The following ZFR2 variants were observed in gnomAD, a reference collection of about 807,000 sequenced individuals.
The protein encoded by ZFR2 is zinc finger RNA binding protein 2, also known as zinc finger RNA-binding protein 2.
Under a neutral mutation model 105.7 loss-of-function variants are expected in ZFR2, and 104 were observed. The ratio of observed to expected loss-of-function variants is 0.98; its 90% CI spans 0.84 to 1.16. The LOEUF (loss-of-function observed/expected upper bound fraction) is 1.16. Among genes scored for constraint, ZFR2 ranks in the 50% most tolerant of loss-of-function variants. ZFR2 has a pLI of 0.00. For missense variants in ZFR2, 1,425 were observed against 1,355.5 expected (o/e 1.05, Z -0.80); for synonymous variants, 634 against 597.7 (o/e 1.06, Z -0.89).
At position 3,825,212 on chromosome 19, in the gene ZFR2, G is replaced by T; in HGVS notation, c.1213+18C>A. ...AGGGCTCTGGTGGGTACACGAACAC[G>T]CATACAGACACACGTACCCTCGCAT... On this transcript the variant is annotated intron_variant, in intron 7 of 18. Coordinates refer to ENST00000262961, the MANE Select transcript of ZFR2 (RefSeq NM_015174.2). 1 of 1,496,512 alleles carries T rather than the reference G, an allele frequency of 6.7e-7. No individual in the cohort carries two copies. The allele number at this position is 1,496,512 out of a possible 1,614,324, so 92.7% of individuals were successfully genotyped here.
At position 3,816,700 on chromosome 19, in the gene ZFR2, C is replaced by A. The variant is rs779996472; in HGVS notation, c.2077G>T (p.Ala693Ser). ...KPTHSLLRRI[A>S]QQLPRQLQMV... ...TGGAGCTGCCGGGGCAGCTGCTGGGCGATCCTCCGCAGCAGGCTGTGCGTG... is the reference window on the plus strand; with the variant it reads ...TGGAGCTGCCGGGGCAGCTGCTGGGAGATCCTCCGCAGCAGGCTGTGCGTG... Residue 693 changes from alanine to serine, a missense_variant, in exon 13 of 19, where the codon GCC becomes TCC. By Grantham distance (99) the Ala-to-Ser change is moderately conservative (BLOSUM62 1). Coordinates refer to ENST00000262961, the MANE Select transcript of ZFR2 (RefSeq NM_015174.2). 6.8e-6 allele frequency: 11 copies of A among 1,609,910 alleles called. No homozygotes were observed. The African/African-American group carries it at 1.5e-4, about 22-fold the overall frequency.
Position 3,840,150 on chromosome 19 carries a change from G to A in ZFR2, c.54-5167C>T, listed in dbSNP as rs558710741. Among the ~76,000 whole-genome samples, 6 of 152,172 alleles carry A rather than the reference G, an allele frequency of 3.9e-5. No homozygotes were observed. The South Asian group carries it at 1.2e-3, about 32-fold the overall frequency. On this transcript the variant is annotated intron_variant, in intron 1 of 18. Transcript: ENST00000262961. ...ACGCTGTCCTCCTACCTGGACAAAG[G>A]ATCCTCTGCCCAGGCCCTGCATCTT... is the stretch of plus-strand genomic sequence containing the variant.
chr19:3,840,473 G>A (rs1426793600), intron 1 of ZFR2, among the ~76,000 whole-genome samples: 2 of 151,824 alleles, frequency 1.3e-5, no homozygotes, highest in East Asian at 3.9e-4. Flanking sequence ...CCAACCTCAG[G>A]TGATCCACCC....
At chr19:3,806,252 G>T in intron 18 of ZFR2, 127 bp from the exon 19 acceptor site, 2 of 1,012,798 alleles carry the variant, frequency 2.0e-6, no homozygotes, top group Non-Finnish European at 2.6e-6. Context: ...CCTCGAGATA[G>T]CCCCCGGCCC....
chr19:3,821,571 C>T, intron 9 of ZFR2, 92 bp from the exon 10 acceptor site: 1 of 957,276 alleles, frequency 1.0e-6, no homozygotes, highest in Non-Finnish European at 1.4e-6. Context: ...GGCCCAGAGA[C>T]TAGAACTGTT....
intron 5 of ZFR2, among the ~76,000 whole-genome samples, chr19:3,827,961 C>T (rs1387687050): frequency 1.3e-5 from 2 of 151,566 alleles, no homozygotes; most frequent in East Asian, 1.9e-4. Context: ...CCTGGGACTA[C>T]AGGCGGGTGC....
intron 1 of ZFR2, among the ~76,000 whole-genome samples, chr19:3,841,768 G>A (rs1599244442): frequency 1.3e-5 from 2 of 151,854 alleles, no homozygotes; most frequent in South Asian, 4.2e-4. Context: ...TTGCACCAGC[G>A]TACTCCAGCC....
intron 14 of ZFR2, among the ~76,000 whole-genome samples, chr19:3,812,280 A>G (rs2037774151): frequency 6.6e-6 from 1 of 151,680 alleles, no homozygotes; most frequent in Non-Finnish European, 1.5e-5. Context: ...GGGTCTCACT[A>G]CCTTGCCCAG....
intron 9 of ZFR2, 95 bp from the exon 10 acceptor site, chr19:3,821,574 G>T: frequency 5.3e-5 from 44 of 828,308 alleles, no homozygotes; most frequent in Non-Finnish European, 6.4e-5. Flanking sequence ...CCAGAGACTA[G>T]AACTGTTGGG....
chr19:3,816,433 A>G (rs1354137434), intron 13 of ZFR2, among the ~76,000 whole-genome samples: 1 of 151,120 alleles, frequency 6.6e-6, no homozygotes, highest in Non-Finnish European at 1.5e-5. Flanking sequence ...TTTAGTAGAG[A>G]CGGTGTTTCA....
intron 18 of ZFR2, among the ~76,000 whole-genome samples, 154 bp downstream of exon 18, chr19:3,807,018 C>T (rs937114644): frequency 3.9e-5 from 6 of 152,224 alleles, no homozygotes; most frequent in African/African-American, 9.6e-5. Flanking sequence ...TGTCCCTGTG[C>T]GTGGTCCTGC....
chr19:3,861,988 G>C (rs1380457187), intron 1 of ZFR2, among the ~76,000 whole-genome samples: 1 of 152,058 alleles, frequency 6.6e-6, no homozygotes, highest in African/African-American at 2.4e-5. Context: ...CTTTCTACGT[G>C]TTTTCCTTAT....
chr19:3,819,412 C>CG (rs2037864742), intron 11 of ZFR2, among the ~76,000 whole-genome samples, 177 bp from the exon 12 acceptor site: 1 of 152,148 alleles, frequency 6.6e-6, no homozygotes, highest in South Asian at 2.1e-4. Flanking sequence ...GGAAGTACCT[C>CG]GGGCTGCCCC....
intron 16 of ZFR2, among the ~76,000 whole-genome samples, chr19:3,809,918 T>C (rs1214232708): frequency 2.6e-5 from 4 of 152,154 alleles, no homozygotes; most frequent in Non-Finnish European, 5.9e-5. Flanking sequence ...CACTCCAGCC[T>C]GGGCAACAAG....
At chr19:3,843,966 A>C (rs1461406240) in intron 1 of ZFR2, among the ~76,000 whole-genome samples, 1 of 125,572 alleles carries the variant, frequency 8.0e-6, no homozygotes, top group Non-Finnish European at 1.6e-5. Flanking sequence ...TTCCAGTCCT[A>C]GGAGGTCCCT....
intron 1 of ZFR2, chr19:3,852,070 G>T (rs55781628): frequency 1.8e-5 from 5 of 271,834 alleles, no homozygotes; most frequent in Admixed American, 1.0e-4. Flanking sequence ...GCGGGGCTCA[G>T]CTGGGTGCCT....
chr19:3,852,072 T>C (rs2038243616), intron 1 of ZFR2: 1 of 270,462 alleles, frequency 3.7e-6, no homozygotes, highest in Non-Finnish European at 7.2e-6. Flanking sequence ...GGGGCTCAGC[T>C]GGGTGCCTCT....
At position 3,842,010 on chromosome 19, in the gene ZFR2, C is replaced by CT. The variant is rs566135761; in HGVS notation, c.54-7028dup. The stretch of plus-strand genomic sequence containing the variant: ...ATGTGTCACAGGTAAAGCAGAGTGA[C>CT]TTTTTTTTTTTTATTTTTTTGAGAT... On this transcript the variant is annotated intron_variant, in intron 1 of 18. Coordinates refer to ENST00000262961, the MANE Select transcript of ZFR2 (RefSeq NM_015174.2). Among the ~76,000 whole-genome samples the CT allele has an allele frequency of 4.3e-3, 630 of 145,254 alleles. 2 individuals are homozygous for CT. The highest frequency in any genetic ancestry group is 0.019 in the East Asian group (96 of 4,934).
chr19:3,841,025 C>G (rs1302985238), intron 1 of ZFR2, among the ~76,000 whole-genome samples: 3 of 152,204 alleles, frequency 2.0e-5, no homozygotes, highest in South Asian at 2.1e-4. Flanking sequence ...CACATGGTGA[C>G]TCGGTGCCTT....
Sources: allele counts gnomAD v4.1 joint callset (sites outside exome capture counted in the v4.1 genomes callset), GRCh38; gene constraint gnomAD v4.1.1; transcripts MANE v1.5; gene names NCBI Gene and HGNC (gene_info 2026-07-23, HGNC 2026-07-21).